ZFAT: variants seen among roughly 807,000 people sequenced by gnomAD.
The protein encoded by ZFAT is zinc finger protein ZFAT.
In ZFAT, 64 loss-of-function variants were observed where a neutral mutation model predicts 117.7. The observed-to-expected ratio is 0.54, with a 90% confidence interval of 0.44 to 0.67. The LOEUF (loss-of-function observed/expected upper bound fraction) is 0.67. ZFAT is among the 30% of genes least tolerant of loss of function. The pLI is 0.00. For synonymous variants in ZFAT, 679 were observed against 615.0 expected, an observed-to-expected ratio of 1.10 and a Z score of -1.54; for missense variants, 1,433 against 1,584.5, an observed-to-expected ratio of 0.90 and a Z score of 1.62.
At chr8:134,504,108 A>G (rs1180850895) in intron 15 of ZFAT, among the ~76,000 whole-genome samples, 1 of 152,216 alleles carries the variant, frequency 6.6e-6, no homozygotes, top group Admixed American at 6.5e-5. Context: ...ACAAGACTGC[A>G]TCAGGTAAGC....
Position 134,617,748 on chromosome 8 carries a change from C to T in ZFAT, c.449-7093G>A, listed in dbSNP as rs187663635. On this transcript the variant is annotated intron_variant, in intron 3 of 15. Coordinates refer to ENST00000377838, the MANE Select transcript of ZFAT (RefSeq NM_020863.4). ...AAATAAGCTGCGCTGCCCAACCCAC[C>T]TTGCACATGCACAAAAGCCCTCTGA... is the stretch of plus-strand genomic sequence containing the variant. Among the ~76,000 whole-genome samples, 119 of 152,338 alleles carry T rather than the reference C, an allele frequency of 7.8e-4. 2 individuals carry two copies. In the Middle Eastern group the frequency reaches 0.01, roughly 13 times the overall value.
chr8:134,487,101 G>A (rs1222006814), intron 15 of ZFAT, among the ~76,000 whole-genome samples: 1 of 152,156 alleles, frequency 6.6e-6, no homozygotes, highest in Non-Finnish European at 1.5e-5. Context: ...TGAATATTGT[G>A]CACATACATG....
the ZFAT span, among the ~76,000 whole-genome samples, chr8:134,749,815 T>C: frequency 6.6e-6 from 1 of 152,216 alleles, no homozygotes; most frequent in Non-Finnish European, 1.5e-5. Flanking sequence ...TTCTGTTTCA[T>C]TGCTCAATTT....
At chr8:134,637,298 T>C (rs893305813) in intron 3 of ZFAT, among the ~76,000 whole-genome samples, 163 bp downstream of exon 3, 5 of 152,228 alleles carry the variant, frequency 3.3e-5, no homozygotes, top group African/African-American at 1.2e-4. Flanking sequence ...AAAGACTACT[T>C]ACGGTAATAG....
At chr8:134,507,877 TA>T (rs1298712245) in intron 15 of ZFAT, among the ~76,000 whole-genome samples, 3 of 152,164 alleles carry the variant, frequency 2.0e-5, no homozygotes, top group Non-Finnish European at 4.4e-5. Context: ...AGACCCTTCC[TA>T]AAGTACCAGG....
intron 15 of ZFAT, among the ~76,000 whole-genome samples, chr8:134,494,979 C>G (rs1468522696): frequency 6.6e-6 from 1 of 152,206 alleles, no homozygotes; most frequent in Non-Finnish European, 1.5e-5. Flanking sequence ...ACGTACTTCT[C>G]TCTCAGAGTA....
At chr8:134,805,807 C>G in the ZFAT span, among the ~76,000 whole-genome samples, 1 of 151,886 alleles carries the variant, frequency 6.6e-6, no homozygotes, top group Non-Finnish European at 1.5e-5. Flanking sequence ...AGTGGCAAAA[C>G]CCTACCTCTA....
At chr8:134,512,749 T>C (rs775098903) in intron 13 of ZFAT, 148 bp from the exon 14 acceptor site, 68 of 1,044,922 alleles carry the variant, frequency 6.5e-5, no homozygotes, top group Non-Finnish European at 9.0e-5. Context: ...GAGAAACCAG[T>C]TGCTCCCATA....
At chr8:134,733,200 A>G in the ZFAT span, among the ~76,000 whole-genome samples, 140 of 152,294 alleles carry the variant, frequency 9.2e-4, 1 homozygote, top group Middle Eastern at 3.4e-3. Flanking sequence ...CTTCATGCAA[A>G]TATCTGGTCT....
chr8:134,801,193 C>T, the ZFAT span, among the ~76,000 whole-genome samples: 1 of 152,128 alleles, frequency 6.6e-6, no homozygotes, highest in African/African-American at 2.4e-5. Context: ...TTCTCCCCCA[C>T]ATTCAGAATT....
In ZFAT at chr8:134,651,042, G is replaced by A. The variant is rs1020077464; in HGVS notation, c.196+6519C>T. ...GTGAAAATTAACAAGTGTTGGCAAC[G>A]ATGTGGAGAAATTGGATCCTTTATA... On this transcript the variant is annotated intron_variant, in intron 2 of 15. Coordinates refer to ENST00000377838, the MANE Select transcript of ZFAT (RefSeq NM_020863.4). Among the ~76,000 whole-genome samples, 31 of 152,354 alleles carry A rather than the reference G, an allele frequency of 2.0e-4. 1 individual carries two copies. The highest frequency in any genetic ancestry group is 6.7e-4 in the African/African-American group (28 of 41,576).
intron 1 of ZFAT, among the ~76,000 whole-genome samples, chr8:134,677,120 C>A (rs1463555126): frequency 7.1e-6 from 1 of 140,234 alleles, no homozygotes. Context: ...GATAGAGATA[C>A]GAAAAACCCT....
upstream of ZFAT, among the ~76,000 whole-genome samples, chr8:134,715,143 A>G (rs972434864): frequency 7.9e-5 from 12 of 152,336 alleles, no homozygotes; most frequent in African/African-American, 2.9e-4. Context: ...CAGCGTTTAA[A>G]TGTTGTTTAT....
At position 134,512,532 on chromosome 8, in the gene ZFAT, G is replaced by C; in HGVS notation, c.3304C>G (p.Gln1102Glu). Reference sequence around the variant, plus strand: ...GCGGCCACCGCTGCCTGTGTCCCTTGAACGTCTTCTTCGGCCTCTGTGATG... The same window carrying C: ...GCGGCCACCGCTGCCTGTGTCCCTTCAACGTCTTCTTCGGCCTCTGTGATG... ...LHITEAEEDV[Q>E]GTQAAVAALQ... The change falls in exon 14 of 16, where the codon CAA becomes GAA. Residue 1102 changes from glutamine to glutamate, a missense_variant. Gln to Glu is a conservative substitution (Grantham distance 29). Coordinates refer to ENST00000377838, the MANE Select transcript of ZFAT (RefSeq NM_020863.4). 1 of 1,613,976 alleles carries C rather than the reference G, an allele frequency of 6.2e-7. No homozygotes were observed. Among genetic ancestry groups the C allele is most frequent in the Non-Finnish European group, 8.5e-7 (1 of 1,179,872 alleles).
intron 3 of ZFAT, among the ~76,000 whole-genome samples, chr8:134,619,925 C>T (rs116191246): frequency 4.2e-4 from 64 of 152,294 alleles, no homozygotes; most frequent in African/African-American, 1.5e-3. Flanking sequence ...GCAAGGTGAG[C>T]GCTTCCCACA....
At position 134,581,869 on chromosome 8, in the gene ZFAT, C is replaced by T. The variant is rs554524098; in HGVS notation, c.2887+1963G>A. 1.1e-4 allele frequency among the ~76,000 whole-genome samples: 16 copies of T among 152,274 alleles called. No homozygotes were observed. In the South Asian group the frequency reaches 3.3e-3, roughly 32 times the overall value. Reference sequence around the variant, plus strand: ...CCTCCCAAAGTGCTGGGATTATAGGCATGAGCCACTGTGCCCGACCTGGAT... The same window carrying T: ...CCTCCCAAAGTGCTGGGATTATAGGTATGAGCCACTGTGCCCGACCTGGAT... On this transcript the variant is annotated intron_variant, in intron 10 of 15. Transcript: ENST00000377838.
intron 1 of ZFAT, among the ~76,000 whole-genome samples, chr8:134,693,826 C>G (rs927064582): frequency 2.0e-5 from 3 of 152,154 alleles, no homozygotes; most frequent in Non-Finnish European, 2.9e-5. Context: ...CAAGGCATTT[C>G]ATTACAAAGG....
At chr8:134,776,406 C>A in the ZFAT span, among the ~76,000 whole-genome samples, 1 of 152,194 alleles carries the variant, frequency 6.6e-6, no homozygotes, top group Non-Finnish European at 1.5e-5. Flanking sequence ...CAGGCTCAAG[C>A]GATTCTCCCA....
In ZFAT at chr8:134,601,583, G is replaced by A. The variant is rs761618369; in HGVS notation, c.2136C>T (p.Ile712=). 1.9e-5 allele frequency: 31 copies of A among 1,614,126 alleles called. No homozygotes were observed. The Middle Eastern group carries it at 2.5e-3, about 128-fold the overall frequency. The change falls in exon 6 of 16, where the codon ATC becomes ATT. Residue 712 remains isoleucine (I), a synonymous_variant. Coordinates refer to ENST00000377838, the MANE Select transcript of ZFAT (RefSeq NM_020863.4). ...CKAAPEHRSG[I]TAFMKVLNSL... is the part of the protein sequence containing the mutation. ...TGTTCAGGACCTTCATGAAAGCGGT[G>A]ATGCCTGACCGGTGCTCAGGGGCAG...
Sources: gnomAD v4.1 joint callset for allele counts (sites outside exome capture counted in the v4.1 genomes callset) on GRCh38, gnomAD v4.1.1 for gene constraint, MANE v1.5 for transcripts, NCBI Gene and HGNC (gene_info 2026-07-23, HGNC 2026-07-21) for gene names.